The following FANCI variants were observed in gnomAD, a reference collection of about 807,000 sequenced individuals.
The protein encoded by FANCI is FA complementation group I, also known as Fanconi anemia group I protein.
In FANCI, 156 loss-of-function variants were observed where a neutral mutation model predicts 176.1. The observed-to-expected ratio is 0.89, with a 90% CI of 0.78 to 1.01. The LOEUF (loss-of-function observed/expected upper bound fraction) is 1.01, where lower values mean the gene tolerates loss of function less well. Among genes scored for constraint, FANCI ranks in the 50% least tolerant of loss-of-function variants. FANCI has a pLI of 0.00. For missense variants in FANCI, 1,678 were observed against 1,534.1 expected (o/e 1.09, Z -1.57); for synonymous variants, 613 against 541.7 (o/e 1.13, Z -1.83).
At position 89,313,429 on chromosome 15, in the gene FANCI, C is replaced by T. The variant is rs190409346; in HGVS notation, c.3720+457C>T. On this transcript the variant is annotated intron_variant, in intron 35 of 37. Coordinates refer to ENST00000310775, the MANE Select transcript of FANCI (RefSeq NM_001113378.2). The stretch of plus-strand genomic sequence containing the variant: ...CTGAACCAAAAACATGTTTTATTCA[C>T]GAAGCACCAGAAAATCTTGAGTTGA... 2.8e-3 allele frequency among the ~76,000 whole-genome samples: 425 copies of T among 152,174 alleles called. 2 individuals are homozygous for T. The highest frequency in any genetic ancestry group is 4.4e-3 in the Admixed American group (68 of 15,284).
At chr15:89,284,200 C>T (rs2053731067) in intron 17 of FANCI, among the ~76,000 whole-genome samples, 1 of 152,156 alleles carries the variant, frequency 6.6e-6, no homozygotes, top group South Asian at 2.1e-4. Context: ...ATTGTATTTA[C>T]TTTGCACAGG....
In FANCI at chr15:89,316,406, T is replaced by C; in HGVS notation, c.3934T>C (p.Ser1312Pro). 6.2e-7 allele frequency: 1 copy of C among 1,611,938 alleles called. No homozygotes were observed. Among genetic ancestry groups the C allele is most frequent in the Non-Finnish European group, 8.5e-7 (1 of 1,178,724 alleles). The stretch of plus-strand genomic sequence containing the variant: ...TTCTTTCCCCTTCTAGGGCACTGCA[T>C]CAGAGCATGGGGGACAGAACAAAGA... The part of the protein sequence containing the change: ...GEDENEEGTA[S>P]EHGGQNKEPA... The change falls in exon 38 of 38, where the codon TCA (serine) becomes CCA (proline). Residue 1312 changes from serine (S) to proline (P), a missense_variant. Physicochemically the swap from Ser to Pro is moderately conservative, Grantham distance 74. Coordinates refer to ENST00000310775, the MANE Select transcript of FANCI (RefSeq NM_001113378.2).
In FANCI at chr15:89,292,850, G is replaced by T. The variant is rs1192685722; in HGVS notation, c.2155G>T (p.Glu719Ter). The T allele has an allele frequency of 6.2e-7, 1 of 1,614,090 alleles. No individual in the cohort carries two copies. The highest frequency in any genetic ancestry group is 8.5e-7 in the Non-Finnish European group (1 of 1,180,012). ...TAATAGAATGATTAAGAGTGAGCTG[G>T]AAGACTTTGAACTGGTAATTGCTAA... ...ITNRMIKSEL[E>*]DFELDKSADF... is the part of the protein sequence containing the mutation. The change falls in exon 21 of 38, where the codon GAA (glutamate) becomes TAA (stop). Residue 719 changes from glutamate to a stop codon, truncating the protein, a stop_gained. Transcript: ENST00000310775. LOFTEE classifies it high-confidence loss of function.
intron 1 of FANCI, 21 bp downstream of exon 1, chr15:89,244,054 G>C (rs546591290): frequency 6.5e-6 from 1 of 152,716 alleles, no homozygotes; most frequent in African/African-American, 2.4e-5. Context: ...GGTGACTGCA[G>C]AGCGGCTCGC....
chr15:89,282,978 G>T, intron 16 of FANCI, 158 bp from the exon 17 acceptor site: 1 of 740,190 alleles, frequency 1.4e-6, no homozygotes. Context: ...TTGAACAGCT[G>T]ATACCTTATT....
chr15:89,274,123 T>C, intron 11 of FANCI, 45 bp from the exon 12 acceptor site: 1 of 1,391,378 alleles, frequency 7.2e-7, no homozygotes, highest in East Asian at 2.5e-5. Context: ...TGCTTGATCT[T>C]TTATTTATTT....
chr15:89,276,133 G>A (rs541434620), intron 12 of FANCI, among the ~76,000 whole-genome samples: 5 of 152,128 alleles, frequency 3.3e-5, no homozygotes, highest in African/African-American at 1.2e-4. Context: ...TTCCACTGTG[G>A]GGTATAACAT....
rs758739224 is a variant in FANCI at position 89,290,206 on chromosome 15, C to G, written c.1822-7C>G. ...AGTGCTTATTTCTTCTCTTTGATTC[C>G]TCTTAGGGGTTTTATGATGTTCTTC... On this transcript the variant is annotated splice_polypyrimidine_tract_variant and splice_region_variant and intron_variant, in intron 18 of 37. Transcript: ENST00000310775. 11 of 1,611,258 alleles carry G rather than the reference C, an allele frequency of 6.8e-6. No homozygotes were observed. The South Asian group carries it at 1.2e-4, about 18-fold the overall frequency.
chr15:89,268,582 T>C (rs770711283), intron 10 of FANCI, 57 bp downstream of exon 10: 1 of 1,606,180 alleles, frequency 6.2e-7, no homozygotes, highest in East Asian at 2.2e-5. Flanking sequence ...TGTTTGAACT[T>C]AAGCCACTGT....
At chr15:89,256,914 TG>T (rs2151193038) in intron 2 of FANCI, among the ~76,000 whole-genome samples, 1 of 152,222 alleles carries the variant, frequency 6.6e-6, no homozygotes, top group Non-Finnish European at 1.5e-5. Flanking sequence ...TCTTTTTTGT[TG>T]TTTTTTTTTG....
chr15:89,246,476 T>G (rs548576815), intron 1 of FANCI, among the ~76,000 whole-genome samples: 8 of 152,354 alleles, frequency 5.3e-5, no homozygotes, highest in African/African-American at 1.4e-4. Flanking sequence ...ACCTGTTTAC[T>G]TCCAGCCTAT....
At position 89,315,264 on chromosome 15, in the gene FANCI, C is replaced by T. The variant is rs747890280; in HGVS notation, c.3817-18C>T. Reference sequence around the variant, plus strand: ...CCTATGAGTAGGGAGATGTCCCATGCTTACAATCTTGTCATAGGTGAACCT... The same window carrying T: ...CCTATGAGTAGGGAGATGTCCCATGTTTACAATCTTGTCATAGGTGAACCT... On this transcript the variant is annotated intron_variant, in intron 36 of 37. Coordinates refer to ENST00000310775, the MANE Select transcript of FANCI (RefSeq NM_001113378.2). 47 of 1,585,634 alleles carry T rather than the reference C, an allele frequency of 3.0e-5. No individual in the cohort carries two copies. Among genetic ancestry groups the T allele is most frequent in the Non-Finnish European group, 2.2e-5 (25 of 1,154,204 alleles).
At position 89,316,489 on chromosome 15, in the gene FANCI, G is replaced by A. The variant is rs2055269203; in HGVS notation, c.*30G>A. 2.5e-6 allele frequency: 4 copies of A among 1,590,654 alleles called. No individual in the cohort carries two copies. Among genetic ancestry groups the A allele is most frequent in the Non-Finnish European group, 2.6e-6 (3 of 1,166,198 alleles). On this transcript the variant is annotated 3_prime_UTR_variant, in exon 38 of 38. Coordinates refer to ENST00000310775, the MANE Select transcript of FANCI (RefSeq NM_001113378.2). ...AATGCCTGAGTTAATGTGAACTTTG[G>A]GGCTTCTGCTTCATTTTTACCCAAC... is the stretch of plus-strand genomic sequence containing the variant.
chr15:89,245,715 A>C (rs1260998559), intron 1 of FANCI: 3 of 152,218 alleles, frequency 2.0e-5, no homozygotes, highest in African/African-American at 7.2e-5. Context: ...GGAGGTAGGC[A>C]TGGGTCAGAA....
intron 35 of FANCI, among the ~76,000 whole-genome samples, chr15:89,314,004 A>AC (rs2055083290): frequency 8.0e-6 from 1 of 125,270 alleles, no homozygotes; most frequent in African/African-American, 2.9e-5. Flanking sequence ...CACACACACA[A>AC]ATGTAGGACC....
At chr15:89,248,523 A>ATT (rs34367790) in intron 2 of FANCI, among the ~76,000 whole-genome samples, 2 of 151,320 alleles carry the variant, frequency 1.3e-5, no homozygotes, top group Admixed American at 6.6e-5. Context: ...TTGCTCTTTG[A>ATT]TTTTTTTTTC....
intron 9 of FANCI, among the ~76,000 whole-genome samples, chr15:89,264,954 GAAAAT>G (rs2052876418): frequency 6.6e-6 from 1 of 152,178 alleles, no homozygotes; most frequent in South Asian, 2.1e-4. Context: ...GAAGAGGAAA[GAAAAT>G]AAATAACAAG....
intron 3 of FANCI, among the ~76,000 whole-genome samples, chr15:89,259,985 G>A (rs1198680286): frequency 6.6e-6 from 1 of 151,858 alleles, no homozygotes; most frequent in Non-Finnish European, 1.5e-5. Flanking sequence ...CCTTTCTCTT[G>A]GATATATATC....
rs1239572946 is a variant in FANCI at position 89,292,927 on chromosome 15, T to A, written c.2170-15T>A. On this transcript the variant is annotated splice_polypyrimidine_tract_variant and intron_variant, in intron 21 of 37. Coordinates refer to ENST00000310775, the MANE Select transcript of FANCI (RefSeq NM_001113378.2). ...TTCTTTAGTAGCTTGTTAATTTTTA[T>A]CTTGTGTCTTTTAGGATAAATCAGC... 1.2e-6 allele frequency: 2 copies of A among 1,614,128 alleles called. No individual in the cohort carries two copies. The highest frequency in any genetic ancestry group is 3.3e-5 in the Admixed American group (2 of 60,026).
Sources: gnomAD v4.1 joint callset for allele counts (sites outside exome capture counted in the v4.1 genomes callset) on GRCh38, gnomAD v4.1.1 for gene constraint, MANE v1.5 for transcripts, NCBI Gene and HGNC (gene_info 2026-07-23, HGNC 2026-07-21) for gene names.